Variants in TMEM131L observed in about 807,000 individuals in gnomAD.
The protein encoded by TMEM131L is transmembrane 131 like.
Under a neutral mutation model 192.2 loss-of-function variants are expected in TMEM131L, and 54 were observed. That is an observed-to-expected ratio of 0.28 (90% confidence interval 0.23 to 0.35). The LOEUF (loss-of-function observed/expected upper bound fraction) is 0.35, where lower values mean the gene tolerates loss of function less well. Among genes scored for constraint, TMEM131L ranks in the 10% least tolerant of loss-of-function variants. TMEM131L has a pLI of 1.00. For synonymous variants in TMEM131L, 701 were observed against 704.9 expected, an observed-to-expected ratio of 0.99 and a Z score of 0.09; for missense variants, 1,888 against 1,972.9, an observed-to-expected ratio of 0.96 and a Z score of 0.82.
intron 26 of TMEM131L, among the ~76,000 whole-genome samples, chr4:153,615,920 C>T (rs9998423): frequency 0.086 from 13,074 of 152,218 alleles, 1,119 homozygotes; most frequent in African/African-American, 0.21. Flanking sequence ...CCAGGCTTAG[C>T]TGTGCCCTTG....
intron 26 of TMEM131L, 79 bp from the exon 27 acceptor site, chr4:153,620,677 G>A: frequency 1.2e-6 from 1 of 851,268 alleles, no homozygotes; most frequent in East Asian, 3.1e-5. Flanking sequence ...AATTCAGATG[G>A]AGTTGGTCTT....
intron 3 of TMEM131L, among the ~76,000 whole-genome samples, chr4:153,508,725 G>A (rs1353952987): frequency 1.3e-5 from 2 of 149,896 alleles, no homozygotes; most frequent in Admixed American, 6.7e-5. Context: ...GAGTGTAGTG[G>A]CCTCAACCTC....
At chr4:153,604,557 T>G (rs1732084071) in intron 25 of TMEM131L, 127 bp downstream of exon 25, 1 of 959,304 alleles carries the variant, frequency 1.0e-6, no homozygotes, top group African/African-American at 1.7e-5. Context: ...GTTTAAATAT[T>G]GAAAAAAGAC....
rs543078569 is a variant in TMEM131L, at chr4:153,612,361, A to G, written c.3528A>G (p.Glu1176=). Residue 1176 remains glutamate, a synonymous_variant, in exon 26 of 35, where the codon GAA becomes GAG. Coordinates refer to ENST00000409959, the MANE Select transcript of TMEM131L (RefSeq NM_001131007.2). ...AGAAGATTCACAAAACATCTAGAGA[A>G]GACATGTTTTCTGAGAAACAGGACA... ...SEKKIHKTSR[E]DMFSEKQDIP... The G allele has an allele frequency of 6.9e-6, 11 of 1,597,072 alleles. No homozygotes were observed. The South Asian group carries it at 1.2e-4, about 17-fold the overall frequency.
intron 3 of TMEM131L, among the ~76,000 whole-genome samples, chr4:153,489,649 T>G (rs1732626081): frequency 6.6e-6 from 1 of 152,134 alleles, no homozygotes; most frequent in Admixed American, 6.5e-5. Context: ...GGCTAATTTT[T>G]GTATTTTTAG....
At chr4:153,546,229 T>A (rs1241804290) in intron 3 of TMEM131L, among the ~76,000 whole-genome samples, 1 of 150,814 alleles carries the variant, frequency 6.6e-6, no homozygotes, top group Non-Finnish European at 1.5e-5. Context: ...TTTTTTTTTT[T>A]ACAATTATCT....
chr4:153,546,028 G>A (rs773043372), intron 3 of TMEM131L, among the ~76,000 whole-genome samples: 16 of 151,938 alleles, frequency 1.1e-4, no homozygotes, highest in Non-Finnish European at 1.8e-4. Flanking sequence ...GACTACCAGC[G>A]TGTGCCACTG....
intron 3 of TMEM131L, among the ~76,000 whole-genome samples, chr4:153,507,122 A>C (rs1734046191): frequency 6.6e-6 from 1 of 152,192 alleles, no homozygotes; most frequent in Non-Finnish European, 1.5e-5. Context: ...GTCAAACTGC[A>C]GTATAGGCCT....
chr4:153,627,820 C>CCA, intron 31 of TMEM131L, 133 bp downstream of exon 31: 1 of 679,140 alleles, frequency 1.5e-6, no homozygotes, highest in East Asian at 2.8e-5. Flanking sequence ...CTTCTGCAAG[C>CCA]CACACGTTCA....
rs559393392 is a variant in TMEM131L, at chr4:153,555,984, T to A, written c.432+74T>A. The A allele has an allele frequency of 7.3e-5, 108 of 1,474,514 alleles. No homozygotes were observed. In the East Asian group the frequency reaches 2.8e-3, roughly 38 times the overall value. The allele number at this position is 1,474,514 out of a possible 1,614,324, so 91.3% of individuals were successfully genotyped here. On this transcript the variant is annotated intron_variant, in intron 5 of 34. Coordinates refer to ENST00000409959, the MANE Select transcript of TMEM131L (RefSeq NM_001131007.2). This position sits in a 1 kb window ranked among gnomAD's most constrained non-coding sequence, Gnocchi z 4.1. ...TTTTCTTGCTTTCTTTGGCCTGAAG[T>A]TTTTACTTTCTGCTCCCTGTCTCCC...
intron 26 of TMEM131L, among the ~76,000 whole-genome samples, chr4:153,613,777 A>G (rs906722970): frequency 4.8e-4 from 73 of 152,196 alleles, no homozygotes; most frequent in African/African-American, 1.7e-3. Context: ...AATTAATGGG[A>G]GACCCTAGTT....
chr4:153,591,197 G>GA lies in TMEM131L; in HGVS notation c.1812+4dup. On this transcript the variant is annotated splice_donor_region_variant and intron_variant, in intron 17 of 34. Coordinates refer to ENST00000409959, the MANE Select transcript of TMEM131L (RefSeq NM_001131007.2). ...CAACTGCCCTTAGGAGCAGGATGGTGAGGACAGTGTGTCTTTTCATTTCTT... is the reference window on the plus strand; with the variant it reads ...CAACTGCCCTTAGGAGCAGGATGGTGAAGGACAGTGTGTCTTTTCATTTCTT... 1 of 1,594,360 alleles carries GA rather than the reference G, an allele frequency of 6.3e-7. No individual in the cohort carries two copies. Among genetic ancestry groups the GA allele is most frequent in the Non-Finnish European group, 8.5e-7 (1 of 1,169,908 alleles).
chr4:153,558,649 T>C, intron 7 of TMEM131L: 1 of 184,574 alleles, frequency 5.4e-6, no homozygotes, highest in East Asian at 1.3e-4. Flanking sequence ...TAAGTTTCTT[T>C]AATTTTCCTT....
At chr4:153,514,940 T>C (rs1734613027) in intron 3 of TMEM131L, among the ~76,000 whole-genome samples, 1 of 151,604 alleles carries the variant, frequency 6.6e-6, no homozygotes, top group Non-Finnish European at 1.5e-5. Flanking sequence ...GCCTCCCGGA[T>C]AGCTGGGATT....
chr4:153,478,327 A>G (rs556936848), intron 3 of TMEM131L, among the ~76,000 whole-genome samples: 1 of 152,282 alleles, frequency 6.6e-6, no homozygotes, highest in East Asian at 1.9e-4. Flanking sequence ...CTTACTATTC[A>G]TTTACCTTCT....
intron 2 of TMEM131L, among the ~76,000 whole-genome samples, chr4:153,473,331 T>A (rs1289950792): frequency 1.3e-5 from 2 of 152,226 alleles, no homozygotes; most frequent in Non-Finnish European, 2.9e-5. Context: ...GGCAGCAGTC[T>A]GCAGGCAGAG....
chr4:153,532,510 T>C (rs1223715141), intron 3 of TMEM131L, among the ~76,000 whole-genome samples: 1 of 151,596 alleles, frequency 6.6e-6, no homozygotes, highest in Non-Finnish European at 1.5e-5. Context: ...ACTTAAAGAG[T>C]GCAACTCAAT....
intron 4 of TMEM131L, among the ~76,000 whole-genome samples, chr4:153,551,840 TA>T (rs1216361311): frequency 6.6e-6 from 1 of 152,230 alleles, no homozygotes; most frequent in Non-Finnish European, 1.5e-5. Context: ...GTTTAGTTGA[TA>T]ATATAAATAA....
chr4:153,630,899 G>A (rs1435926060), intron 31 of TMEM131L, among the ~76,000 whole-genome samples: 1 of 152,208 alleles, frequency 6.6e-6, no homozygotes, highest in Non-Finnish European at 1.5e-5. Flanking sequence ...TTGACTGGCT[G>A]TAAGGTTTAA....
Sources: allele counts gnomAD v4.1 joint callset (sites outside exome capture counted in the v4.1 genomes callset), GRCh38; gene constraint gnomAD v4.1.1; non-coding constraint Gnocchi (gnomAD v3.1); transcripts MANE v1.5; gene names NCBI Gene and HGNC (gene_info 2026-07-23, HGNC 2026-07-21).